The following ELP4 variants were observed in gnomAD, a reference collection of about 807,000 sequenced individuals.
ELP4 encodes elongator complex protein 4.
ELP4 carries 51 observed loss-of-function variants against 48.9 expected under a neutral mutation model. That is an observed-to-expected ratio of 1.04 (90% CI 0.83 to 1.32). The LOEUF (loss-of-function observed/expected upper bound fraction) is 1.32, where lower values mean the gene tolerates loss of function less well. Among genes scored for constraint, ELP4 ranks in the 40% most tolerant of loss-of-function variants. The pLI is 0.00. For synonymous variants in ELP4, 210 were observed against 189.2 expected (o/e 1.11, Z -0.90); for missense variants, 519 against 514.6 (o/e 1.01, Z -0.08).
chr11:31,726,769 T>G (rs902117821), intron 9 of ELP4, among the ~76,000 whole-genome samples: 2 of 152,198 alleles, frequency 1.3e-5, no homozygotes, highest in African/African-American at 4.8e-5. Flanking sequence ...GGTCGTATCA[T>G]ACAGTACCAG....
At chr11:31,621,453 A>C (rs1434225237) in intron 5 of ELP4, among the ~76,000 whole-genome samples, 2 of 151,918 alleles carry the variant, frequency 1.3e-5, no homozygotes, top group Non-Finnish European at 2.9e-5. Context: ...CAGAATGGAC[A>C]ACATAGATTA....
chr11:31,638,342 A>G (rs956796246), intron 7 of ELP4, among the ~76,000 whole-genome samples: 1 of 151,788 alleles, frequency 6.6e-6, no homozygotes, highest in Non-Finnish European at 1.5e-5. Context: ...CCTTTATTCA[A>G]CCAAATTTCA....
chr11:31,702,074 A>G (rs1946535468), intron 9 of ELP4, among the ~76,000 whole-genome samples: 1 of 152,100 alleles, frequency 6.6e-6, no homozygotes, highest in Non-Finnish European at 1.5e-5. Flanking sequence ...AGTCTCCTAT[A>G]ATTGTATATG....
intron 9 of ELP4, among the ~76,000 whole-genome samples, chr11:31,759,159 A>C (rs748673230): frequency 6.6e-6 from 1 of 152,236 alleles, no homozygotes; most frequent in Non-Finnish European, 1.5e-5. Flanking sequence ...AGCAAAAAGA[A>C]GTTTTGCTTG....
rs1165980055 is a variant in ELP4 at position 31,634,693 on chromosome 11, T to C, written c.927+2288T>C. Among the ~76,000 whole-genome samples, 3 of 151,998 alleles carry C rather than the reference T, an allele frequency of 2.0e-5. No individual in the cohort carries two copies. In the East Asian group the frequency reaches 5.8e-4, roughly 29 times the overall value. On this transcript the variant is annotated intron_variant, in intron 7 of 9. Transcript: ENST00000640961. ...CTGGATGTCTGAACCTGAAACAATA[T>C]TTTAACTTTGATACTTTACAGGTAT...
intron 5 of ELP4, among the ~76,000 whole-genome samples, chr11:31,617,729 TAAAAA>T (rs67907172): frequency 7.1e-6 from 1 of 140,394 alleles, no homozygotes; most frequent in African/African-American, 2.6e-5. Flanking sequence ...AAAAAAAAGT[TAAAAA>T]AAAAAAAAAC....
At chr11:31,610,070 A>G (rs1293533728) in intron 5 of ELP4, among the ~76,000 whole-genome samples, 1 of 152,154 alleles carries the variant, frequency 6.6e-6, no homozygotes, top group Non-Finnish European at 1.5e-5. Context: ...ATTTACACTC[A>G]CAAGAAAGAA....
At chr11:31,545,500 A>G (rs1482916793) in intron 3 of ELP4, among the ~76,000 whole-genome samples, 2 of 151,780 alleles carry the variant, frequency 1.3e-5, no homozygotes, top group African/African-American at 2.4e-5. Context: ...GACCAAATCT[A>G]CGTCTGATTG....
At chr11:31,605,935 CT>C (rs34201146) in intron 5 of ELP4, among the ~76,000 whole-genome samples, 48 of 146,024 alleles carry the variant, frequency 3.3e-4, no homozygotes, top group Non-Finnish European at 2.6e-4. Flanking sequence ...AACCTCTGCT[CT>C]TTTTTTTTTT....
chr11:31,519,073 C>T (rs577919389), intron 1 of ELP4, among the ~76,000 whole-genome samples: 1 of 152,112 alleles, frequency 6.6e-6, no homozygotes, highest in Non-Finnish European at 1.5e-5. Flanking sequence ...CTTCAGCCTC[C>T]CAAAGTGCTA....
intron 2 of ELP4, among the ~76,000 whole-genome samples, chr11:31,522,757 T>C (rs530898466): frequency 1.7e-4 from 26 of 152,272 alleles, no homozygotes; most frequent in South Asian, 4.1e-4. Context: ...CCAACAATTA[T>C]ATCAGTTCAC....
chr11:31,662,187 T>C (rs1161657166), intron 9 of ELP4, among the ~76,000 whole-genome samples: 1 of 152,124 alleles, frequency 6.6e-6, no homozygotes, highest in Non-Finnish European at 1.5e-5. Flanking sequence ...ATTGACTTAA[T>C]GTGTAATTCA....
intron 4 of ELP4, among the ~76,000 whole-genome samples, chr11:31,596,082 C>T (rs1345385148): frequency 6.6e-6 from 1 of 152,102 alleles, no homozygotes; most frequent in Non-Finnish European, 1.5e-5. Flanking sequence ...TCCTTTTTCT[C>T]CCTGTAGCAC....
Position 31,738,232 on chromosome 11 carries a change from CAAAAAA to C in ELP4, c.1144-45141_1144-45136del, listed in dbSNP as rs57817538. Among the ~76,000 whole-genome samples the C allele has an allele frequency of 6.6e-3, 357 of 53,726 alleles. 4 individuals carry two copies. The highest frequency in any genetic ancestry group is 0.024 in the African/African-American group (324 of 13,630). The allele number at this position is 53,726 out of a possible 152,430, so 35.2% of individuals were successfully genotyped here. ...CAACATGGCAAAACCCCATCTCTACCAAAAAAAAAAAAAAAAAAAAAAAAATTAATA... is the reference window on the plus strand; with the variant it reads ...CAACATGGCAAAACCCCATCTCTACCAAAAAAAAAAAAAAAAAAATTAATA... On this transcript the variant is annotated intron_variant, in intron 9 of 9. Transcript: ENST00000640961.
At chr11:31,633,998 A>G (rs2134049066) in intron 7 of ELP4, 1 of 152,152 alleles carries the variant, frequency 6.6e-6, no homozygotes, top group Non-Finnish European at 1.5e-5. Flanking sequence ...ACTAATCATC[A>G]CAAAAACCCT....
chr11:31,632,082 T>C, intron 6 of ELP4, 135 bp from the exon 7 acceptor site: 1 of 611,790 alleles, frequency 1.6e-6, no homozygotes, highest in Non-Finnish European at 2.8e-6. Context: ...TATGTACTAA[T>C]AGTACATAAA....
intron 5 of ELP4, among the ~76,000 whole-genome samples, chr11:31,610,163 T>G (rs991838140): frequency 1.3e-5 from 2 of 152,192 alleles, no homozygotes; most frequent in African/African-American, 4.8e-5. Context: ...TAAAAGGATA[T>G]GGTGAATGAT....
At chr11:31,601,021 TAGA>T (rs1195836720) in intron 4 of ELP4, among the ~76,000 whole-genome samples, 1 of 152,168 alleles carries the variant, frequency 6.6e-6, no homozygotes, top group Non-Finnish European at 1.5e-5. Flanking sequence ...GAACGTGAAT[TAGA>T]AGTTTTCATA....
chr11:31,570,080 A>G (rs1479253866), intron 3 of ELP4, among the ~76,000 whole-genome samples: 3 of 152,184 alleles, frequency 2.0e-5, no homozygotes, highest in Non-Finnish European at 4.4e-5. Context: ...TTGTAGCACT[A>G]TTCTCAATAG....
Sources: gnomAD v4.1 joint callset for allele counts (sites outside exome capture counted in the v4.1 genomes callset) on GRCh38, gnomAD v4.1.1 for gene constraint, MANE v1.5 for transcripts, NCBI Gene and HGNC (gene_info 2026-07-23, HGNC 2026-07-21) for gene names.